Variants in SLC2A13 observed in about 807,000 individuals in gnomAD.
SLC2A13 encodes the protein solute carrier family 2 member 13, also known as proton myo-inositol cotransporter.
In SLC2A13, 32 loss-of-function variants were observed where a neutral mutation model predicts 64.4. The ratio of observed to expected loss-of-function variants is 0.50; its 90% confidence interval spans 0.37 to 0.67. The LOEUF (loss-of-function observed/expected upper bound fraction) is 0.67. Among genes scored for constraint, SLC2A13 ranks in the 30% least tolerant of loss-of-function variants. The pLI is 0.00. For synonymous variants in SLC2A13, 338 were observed against 327.1 expected (o/e 1.03, Z -0.36); for missense variants, 743 against 829.2 (o/e 0.90, Z 1.28).
At chr12:39,805,158 G>A (rs1247632724) in intron 7 of SLC2A13, among the ~76,000 whole-genome samples, 1 of 146,988 alleles carries the variant, frequency 6.8e-6, no homozygotes, top group African/African-American at 2.5e-5. Flanking sequence ...AGGCCAGAGA[G>A]TTGTGTGTTG....
chr12:39,964,089 G>T (rs1946463093), intron 3 of SLC2A13, among the ~76,000 whole-genome samples: 1 of 152,086 alleles, frequency 6.6e-6, no homozygotes, highest in East Asian at 1.9e-4. Flanking sequence ...TTTTCTGTCA[G>T]CATGATTCTC....
chr12:39,901,235 A>G (rs568531274), intron 4 of SLC2A13, among the ~76,000 whole-genome samples: 17 of 152,308 alleles, frequency 1.1e-4, no homozygotes, highest in African/African-American at 3.6e-4. Context: ...AACCATAAAA[A>G]CCCTAGAAGA....
chr12:39,925,017 A>C (rs1945695122), intron 4 of SLC2A13, among the ~76,000 whole-genome samples: 1 of 144,208 alleles, frequency 6.9e-6, no homozygotes, highest in African/African-American at 2.6e-5. Context: ...TAAGTGTCCT[A>C]TACATACAGA....
At position 39,994,382 on chromosome 12, in the gene SLC2A13, C is replaced by CAA. The variant is rs367976830; in HGVS notation, c.925+33917_925+33918dup. 3.9e-3 allele frequency among the ~76,000 whole-genome samples: 317 copies of CAA among 82,194 alleles called. 1 individual carries two copies. Among genetic ancestry groups the CAA allele is most frequent in the Non-Finnish European group, 4.5e-3 (192 of 42,202 alleles). 53.9% of individuals were successfully genotyped at this position (82,194 alleles called of 152,430 possible). ...TGGGCAACAGAGCGAGACTCCATCT[C>CAA]AAAAAAAAAAAAAACAAAAAAAAAC... On this transcript the variant is annotated intron_variant, in intron 3 of 9. Coordinates refer to ENST00000280871, the MANE Select transcript of SLC2A13 (RefSeq NM_052885.4).
intron 4 of SLC2A13, among the ~76,000 whole-genome samples, chr12:39,935,579 G>A (rs1008770567): frequency 2.0e-5 from 3 of 152,190 alleles, no homozygotes; most frequent in Non-Finnish European, 4.4e-5. Flanking sequence ...TTTTTAGTAT[G>A]TGTACGGTCT....
intron 1 of SLC2A13, among the ~76,000 whole-genome samples, chr12:40,067,343 A>C (rs1471982045): frequency 6.6e-6 from 1 of 152,050 alleles, no homozygotes; most frequent in African/African-American, 2.4e-5. Flanking sequence ...ATAGGGCTAC[A>C]GTCACGTGCC....
chr12:40,083,944 T>C (rs1443937509), intron 1 of SLC2A13, among the ~76,000 whole-genome samples: 1 of 152,068 alleles, frequency 6.6e-6, no homozygotes, highest in Non-Finnish European at 1.5e-5. Context: ...GTGGAAGACT[T>C]ACCCCATTTC....
At chr12:39,992,430 A>G (rs1025474008) in intron 3 of SLC2A13, among the ~76,000 whole-genome samples, 4 of 152,228 alleles carry the variant, frequency 2.6e-5, no homozygotes, top group Admixed American at 1.3e-4. Flanking sequence ...GAAAGACAAT[A>G]GCAGGTTGGC....
rs566125206 is a variant in SLC2A13 at position 39,764,915 on chromosome 12, A to G, written c.1446-57T>C. 2.4e-4 allele frequency: 380 copies of G among 1,559,922 alleles called. 4 individuals are homozygous for G. In the African/African-American group the frequency reaches 4.5e-3, roughly 19 times the overall value. On this transcript the variant is annotated intron_variant, in intron 7 of 9. Coordinates refer to ENST00000280871, the MANE Select transcript of SLC2A13 (RefSeq NM_052885.4). ...AATGTTTTTGACTACAGTTGCAGAA[A>G]TTCAATATGATCATATTTATGTATT...
At chr12:39,802,611 A>G (rs1941831296) in intron 7 of SLC2A13, among the ~76,000 whole-genome samples, 1 of 152,190 alleles carries the variant, frequency 6.6e-6, no homozygotes, top group African/African-American at 2.4e-5. Flanking sequence ...GTGAACTTAG[A>G]TTGAGACCGT....
intron 7 of SLC2A13, among the ~76,000 whole-genome samples, chr12:39,812,363 TTTTC>T (rs1942193841): frequency 2.1e-5 from 3 of 145,522 alleles, no homozygotes; most frequent in Non-Finnish European, 4.6e-5. Flanking sequence ...TTTTCTTTTC[TTTTC>T]TTTTCTTTTC....
intron 4 of SLC2A13, among the ~76,000 whole-genome samples, chr12:39,914,976 G>T (rs1000257094): frequency 1.1e-4 from 16 of 151,792 alleles, no homozygotes; most frequent in Non-Finnish European, 2.2e-4. Flanking sequence ...AAGTTAACAG[G>T]TTATAGACTT....
intron 7 of SLC2A13, among the ~76,000 whole-genome samples, chr12:39,823,720 A>T (rs572889996): frequency 1.5e-4 from 23 of 152,298 alleles, no homozygotes; most frequent in Non-Finnish European, 3.1e-4. Context: ...AGTAGCTGGG[A>T]CTACAGGAAT....
intron 6 of SLC2A13, among the ~76,000 whole-genome samples, chr12:39,834,451 C>A (rs181026457): frequency 6.6e-6 from 1 of 152,160 alleles, no homozygotes; most frequent in African/African-American, 2.4e-5. Context: ...AACACCAAGT[C>A]TCACTAGTTA....
chr12:39,864,001 T>A (rs1943838615), intron 6 of SLC2A13, among the ~76,000 whole-genome samples: 1 of 152,224 alleles, frequency 6.6e-6, no homozygotes, highest in Admixed American at 6.5e-5. Context: ...CTAGGTCTTA[T>A]TCTATCTATA....
rs530655354 is a variant in SLC2A13, at chr12:39,768,699, C to T, written c.1446-3841G>A. The stretch of plus-strand genomic sequence containing the variant: ...TTATACGGGTGCAGTTTGTGATGCC[C>T]GACAACAATTACAATAGTAACATTA... On this transcript the variant is annotated intron_variant, in intron 7 of 9. Coordinates refer to ENST00000280871, the MANE Select transcript of SLC2A13 (RefSeq NM_052885.4). Among the ~76,000 whole-genome samples the T allele has an allele frequency of 4.8e-4, 73 of 151,668 alleles. No homozygotes were observed. In the South Asian group the frequency reaches 5.2e-3, roughly 11 times the overall value.
Position 40,082,984 on chromosome 12 carries a change from T to C in SLC2A13, c.556+22269A>G, listed in dbSNP as rs532690762. Among the ~76,000 whole-genome samples the C allele has an allele frequency of 4.6e-5, 7 of 152,248 alleles. No homozygotes were observed. The South Asian group carries it at 1.5e-3, about 32-fold the overall frequency. On this transcript the variant is annotated intron_variant, in intron 1 of 9. Coordinates refer to ENST00000280871, the MANE Select transcript of SLC2A13 (RefSeq NM_052885.4). ...CAATACCTTCTTTCTGAAGATCTGT[T>C]TGGAGTATGCAGTTCTTCCTGATGG...
At chr12:40,095,753 T>C (rs187511956) in intron 1 of SLC2A13, among the ~76,000 whole-genome samples, 1 of 152,334 alleles carries the variant, frequency 6.6e-6, no homozygotes, top group East Asian at 1.9e-4. Flanking sequence ...ATAATACATA[T>C]TAGTAATTCA....
chr12:40,007,243 CTT>C (rs1947437973), intron 3 of SLC2A13, among the ~76,000 whole-genome samples: 1 of 152,148 alleles, frequency 6.6e-6, no homozygotes, highest in African/African-American at 2.4e-5. Flanking sequence ...ATTGCAGAAA[CTT>C]TTGTTTCCTT....
Sources: allele counts gnomAD v4.1 joint callset (sites outside exome capture counted in the v4.1 genomes callset), GRCh38; gene constraint gnomAD v4.1.1; transcripts MANE v1.5; gene names NCBI Gene and HGNC (gene_info 2026-07-23, HGNC 2026-07-21).